MICALL2: variants seen among roughly 807,000 people sequenced by gnomAD.
MICALL2 encodes MICAL-like protein 2.
In MICALL2, 111 loss-of-function variants were observed where a neutral mutation model predicts 91.1. That is an observed-to-expected ratio of 1.22 (90% CI 1.04 to 1.43). The LOEUF (loss-of-function observed/expected upper bound fraction) is 1.43, where lower values mean the gene tolerates loss of function less well. MICALL2 is among the 40% of genes most tolerant of loss of function. MICALL2 has a pLI of 0.00. For missense variants in MICALL2, 1,556 were observed against 1,236.0 expected, an observed-to-expected ratio of 1.26 and a Z score of -3.88; for synonymous variants, 694 against 525.3, an observed-to-expected ratio of 1.32 and a Z score of -4.39.
At chr7:1,437,721 G>C (rs1272473353) in intron 13 of MICALL2, 113 bp from the exon 14 acceptor site, 1 of 1,300,352 alleles carries the variant, frequency 7.7e-7, no homozygotes, top group Non-Finnish European at 1.1e-6. Flanking sequence ...TCTGAGGCCT[G>C]ACTCGCCGCC....
At chr7:1,440,328 A>G (rs1780218821) in intron 8 of MICALL2, 1 of 621,890 alleles carries the variant, frequency 1.6e-6, no homozygotes, top group Non-Finnish European at 2.8e-6. Context: ...GGACCCACAC[A>G]TGGGGAGACT....
intron 3 of MICALL2, 46 bp from the exon 4 acceptor site, chr7:1,447,811 G>C (rs779940381): frequency 7.1e-7 from 1 of 1,416,590 alleles, no homozygotes; most frequent in African/African-American, 1.4e-5. Context: ...GCCTGGCTCT[G>C]AAAGGGTCTA....
chr7:1,434,928 C>T (rs1779889806), intron 16 of MICALL2, 173 bp downstream of exon 16: 1 of 788,270 alleles, frequency 1.3e-6, no homozygotes, highest in Middle Eastern at 3.7e-4. Context: ...GGAGCTCTCA[C>T]CCTCAGGGTG....
At chr7:1,439,277 G>A (rs910246241) in intron 9 of MICALL2, 3 of 451,982 alleles carry the variant, frequency 6.6e-6, no homozygotes, top group East Asian at 3.7e-5. Flanking sequence ...TGAGTGCTAG[G>A]AATACACACA....
At chr7:1,436,317 G>A (rs1379787951) in intron 15 of MICALL2, among the ~76,000 whole-genome samples, 2 of 151,806 alleles carry the variant, frequency 1.3e-5, no homozygotes, top group Non-Finnish European at 2.9e-5. Flanking sequence ...GGCAGACGGA[G>A]GTTGCAGTGA....
chr7:1,439,306 C>T (rs945546683), intron 9 of MICALL2: 11 of 374,558 alleles, frequency 2.9e-5, no homozygotes, highest in Non-Finnish European at 4.4e-5. Flanking sequence ...TGTGCACACA[C>T]ACGCATCACA....
chr7:1,459,121 C>A, intron 1 of MICALL2, 63 bp downstream of exon 1: 1 of 1,519,004 alleles, frequency 6.6e-7, no homozygotes. Context: ...GCCTCAGTTT[C>A]CCCGCCCGTG....
intron 13 of MICALL2, 30 bp from the exon 14 acceptor site, chr7:1,437,638 A>C (rs1780038238): frequency 5.2e-6 from 8 of 1,533,374 alleles, no homozygotes; most frequent in African/African-American, 4.1e-5. Context: ...CTGAGGCCTG[A>C]CTCTGCCGCC....
intron 16 of MICALL2, 199 bp from the exon 17 acceptor site, chr7:1,434,871 A>G (rs561524343): frequency 1.4e-6 from 1 of 716,894 alleles, no homozygotes; most frequent in East Asian, 2.7e-5. Context: ...GGTCCCCACC[A>G]TGACCACACG....
rs1202569531 is a variant in MICALL2, at chr7:1,444,523, G to A, written c.1418+129C>T. The A allele has an allele frequency of 1.8e-5, 16 of 899,536 alleles. 1 individual carries two copies. In the East Asian group the frequency reaches 2.7e-4, roughly 15 times the overall value. 55.7% of individuals were successfully genotyped at this position (899,536 alleles called of 1,614,324 possible). The stretch of plus-strand genomic sequence containing the variant: ...CATTCCCCAGAGAAGGAAACAGGCT[G>A]GGGGAAGTGCAGTCCCCAAGGCCAC... On this transcript the variant is annotated intron_variant, in intron 6 of 16. Transcript: ENST00000297508.
At chr7:1,438,438 C>G in intron 10 of MICALL2, 85 bp from the exon 11 acceptor site, 2 of 1,524,614 alleles carry the variant, frequency 1.3e-6, no homozygotes, top group Middle Eastern at 4.7e-4. Flanking sequence ...AGCCTGACCT[C>G]AGCACAGCAC....
rs747933016 is a variant in MICALL2 at position 1,442,253 on chromosome 7, A to G, written c.1650T>C (p.Ala550=). ...GGGCCTCTGGCTTCGGCCTGGAGCC[A>G]GCACCCACCCTGCCGACCCCTGAGG... The part of the protein sequence containing the change: ...AESSGVGRVG[A]GSRPKPEAPM... The change falls in exon 7 of 17, where the codon GCT becomes GCC. Residue 550 remains alanine, a synonymous_variant. Transcript: ENST00000297508. The G allele has an allele frequency of 6.8e-6, 11 of 1,612,852 alleles. No homozygotes were observed. The highest frequency in any genetic ancestry group is 8.5e-6 in the Non-Finnish European group (10 of 1,179,928).
chr7:1,436,894 A>C (rs781097177), intron 14 of MICALL2, 38 bp from the exon 15 acceptor site: 1 of 1,423,322 alleles, frequency 7.0e-7, no homozygotes, highest in Non-Finnish European at 9.5e-7. Context: ...CCCCCCCACC[A>C]CTGCCATGCC....
At chr7:1,441,008 C>T (rs1477645797) in intron 7 of MICALL2, 5 of 359,670 alleles carry the variant, frequency 1.4e-5, no homozygotes, top group Non-Finnish European at 2.1e-5. Flanking sequence ...AGGGGAACAC[C>T]TGAGCCACGG....
chr7:1,445,185 A>T lies in MICALL2; in HGVS notation c.885T>A (p.Pro295=). ...GTGCAGCTGGAACGGAAGCCCTGGC[A>T]GGCGAGTTGCCCGCAGCAGGCTCCC... ...SAWEPAAGNS[P]ARASVPAAPN... Residue 295 remains proline, a synonymous_variant, in exon 6 of 17, where the codon CCT becomes CCA. Coordinates refer to ENST00000297508, the MANE Select transcript of MICALL2 (RefSeq NM_182924.4). The T allele has an allele frequency of 6.3e-7, 1 of 1,592,450 alleles. No individual in the cohort carries two copies. The highest frequency in any genetic ancestry group is 8.5e-7 in the Non-Finnish European group (1 of 1,170,550).
chr7:1,435,904 T>C (rs1382208766), intron 15 of MICALL2, among the ~76,000 whole-genome samples: 1 of 150,274 alleles, frequency 6.7e-6, no homozygotes, highest in Non-Finnish European at 1.5e-5. Context: ...CTAAAAAAAT[T>C]AGCCGGGTGT....
rs1205411035 is a variant in MICALL2 at position 1,440,035 on chromosome 7, TC to T, written c.1855del (p.Glu619ArgfsTer18). On this transcript the variant is annotated frameshift_variant, in exon 9 of 17. Coordinates refer to ENST00000297508, the MANE Select transcript of MICALL2 (RefSeq NM_182924.4). LOFTEE classifies it high-confidence loss of function. Reference sequence around the variant, plus strand: ...GCTGCCTGAGACCTTCCTGGGGGCCTCCCCCGCCCTCGGCTCTGCCAGGGCC... The same window carrying T: ...GCTGCCTGAGACCTTCCTGGGGGCCTCCCCGCCCTCGGCTCTGCCAGGGCC... ...PRALAEPRAG[E>X]APRKVSGSFA... is the part of the protein sequence containing the mutation. 8 of 1,576,106 alleles carry T rather than the reference TC, an allele frequency of 5.1e-6. No homozygotes were observed. The highest frequency in any genetic ancestry group is 2.4e-5 in the East Asian group (1 of 41,718).
intron 6 of MICALL2, among the ~76,000 whole-genome samples, chr7:1,443,772 G>A (rs1314087994): frequency 1.2e-4 from 18 of 152,170 alleles, no homozygotes; most frequent in Admixed American, 1.2e-3. Context: ...GCAAGGGGAC[G>A]CGGCCCTTCC....
In MICALL2 at chr7:1,442,366, T is replaced by C. The variant is rs369505554; in HGVS notation, c.1537A>G (p.Arg513Gly). ...SSPRVLGLPS[R>G]MEPPAPLSTS... ...CTCAGCGGGGCTGGCGGTTCCATCC[T>C]CGAAGGGAGGCCAAGCACCCGGGGA... Residue 513 changes from arginine to glycine, a missense_variant, in exon 7 of 17, where the codon AGG (arginine) becomes GGG (glycine). Coordinates refer to ENST00000297508, the MANE Select transcript of MICALL2 (RefSeq NM_182924.4). The C allele has an allele frequency of 1.2e-6, 2 of 1,611,716 alleles. No homozygotes were observed. The highest frequency in any genetic ancestry group is 1.7e-6 in the Non-Finnish European group (2 of 1,178,928).
Sources: gnomAD v4.1 joint callset for allele counts (sites outside exome capture counted in the v4.1 genomes callset) on GRCh38, gnomAD v4.1.1 for gene constraint, MANE v1.5 for transcripts, NCBI Gene and HGNC (gene_info 2026-07-23, HGNC 2026-07-21) for gene names.